The following CCBE1 variants were observed in gnomAD, a reference collection of about 807,000 sequenced individuals.
CCBE1 encodes collagen and calcium binding EGF domains 1.
CCBE1 carries 37 observed loss-of-function variants against 50.0 expected under a neutral mutation model. That is an observed-to-expected ratio of 0.74 (90% confidence interval 0.57 to 0.97). CCBE1 has a LOEUF of 0.97. CCBE1 is among the 50% of genes least tolerant of loss of function. CCBE1 has a pLI of 0.00. For missense variants in CCBE1, 538 were observed against 523.8 expected, an observed-to-expected ratio of 1.03 and a Z score of -0.26; for synonymous variants, 234 against 203.7, an observed-to-expected ratio of 1.15 and a Z score of -1.27.
chr18:59,474,268 G>T (rs1195251699), intron 3 of CCBE1, among the ~76,000 whole-genome samples: 1 of 152,158 alleles, frequency 6.6e-6, no homozygotes, highest in Non-Finnish European at 1.5e-5. Flanking sequence ...GGGCCAAATG[G>T]TAGTTTCCCT....
chr18:59,603,150 A>C (rs575819562), intron 2 of CCBE1, among the ~76,000 whole-genome samples: 1 of 152,256 alleles, frequency 6.6e-6, no homozygotes, highest in Non-Finnish European at 1.5e-5. Context: ...TATCCGCCAT[A>C]GCCAAATGCT....
intron 2 of CCBE1, among the ~76,000 whole-genome samples, chr18:59,564,702 C>T (rs2052792989): frequency 6.6e-6 from 1 of 152,152 alleles, no homozygotes; most frequent in Non-Finnish European, 1.5e-5. Context: ...AGGGTGTGTT[C>T]AAATACTGCA....
At chr18:59,623,756 A>T (rs1296090731) in intron 2 of CCBE1, among the ~76,000 whole-genome samples, 2 of 152,204 alleles carry the variant, frequency 1.3e-5, no homozygotes, top group African/African-American at 4.8e-5. Flanking sequence ...TACCAGCAAC[A>T]GACAGGGGAA....
At chr18:59,675,625 A>C (rs2054490917) in intron 2 of CCBE1, among the ~76,000 whole-genome samples, 1 of 151,354 alleles carries the variant, frequency 6.6e-6, no homozygotes, top group Admixed American at 6.6e-5. Flanking sequence ...AGCATTACTG[A>C]GTTAAAGGAA....
At chr18:59,586,823 A>T (rs1287812946) in intron 2 of CCBE1, among the ~76,000 whole-genome samples, 1 of 152,246 alleles carries the variant, frequency 6.6e-6, no homozygotes, top group Admixed American at 6.5e-5. Flanking sequence ...ATCCAGTAAG[A>T]AACACCTGAA....
chr18:59,640,650 G>T (rs1171204882), intron 2 of CCBE1, among the ~76,000 whole-genome samples: 1 of 151,936 alleles, frequency 6.6e-6, no homozygotes, highest in Non-Finnish European at 1.5e-5. Flanking sequence ...TAAACTATTA[G>T]GGAGAAAAAA....
chr18:59,636,539 A>C (rs1388667651), intron 2 of CCBE1, among the ~76,000 whole-genome samples: 1 of 152,388 alleles, frequency 6.6e-6, no homozygotes, highest in East Asian at 1.9e-4. Flanking sequence ...ACTTACAGTC[A>C]AAAGTCACAA....
At chr18:59,669,291 T>C (rs1349528976) in intron 2 of CCBE1, among the ~76,000 whole-genome samples, 3 of 152,242 alleles carry the variant, frequency 2.0e-5, no homozygotes, top group African/African-American at 7.2e-5. Context: ...ACAATATTCC[T>C]GAATAACAAG....
chr18:59,456,279 C>T (rs565599781), intron 5 of CCBE1, among the ~76,000 whole-genome samples: 22 of 152,284 alleles, frequency 1.4e-4, no homozygotes, highest in Non-Finnish European at 2.1e-4. Context: ...GGAAATGGAT[C>T]GTTACAGGTT....
chr18:59,514,080 ACAC>A (rs780002631), intron 2 of CCBE1, among the ~76,000 whole-genome samples: 6 of 152,118 alleles, frequency 3.9e-5, no homozygotes, highest in Non-Finnish European at 5.9e-5. Context: ...CATATACACC[ACAC>A]CATATGCCTA....
chr18:59,444,429 C>A (rs894656765), intron 7 of CCBE1, among the ~76,000 whole-genome samples: 2 of 152,040 alleles, frequency 1.3e-5, no homozygotes, highest in Non-Finnish European at 2.9e-5. Flanking sequence ...AATCTCCACA[C>A]TCTTTTCCAC....
At chr18:59,567,079 C>A (rs983367673) in intron 2 of CCBE1, among the ~76,000 whole-genome samples, 1 of 152,076 alleles carries the variant, frequency 6.6e-6, no homozygotes, top group African/African-American at 2.4e-5. Context: ...ATCATGATGT[C>A]CTGGATTTAT....
In CCBE1 at chr18:59,559,774, G is replaced by A. The variant is rs150804302; in HGVS notation, c.213-79536C>T. Among the ~76,000 whole-genome samples the A allele has an allele frequency of 1.3e-3, 197 of 152,340 alleles. 1 individual carries two copies. Among genetic ancestry groups the A allele is most frequent in the African/African-American group, 4.2e-3 (175 of 41,580 alleles). On this transcript the variant is annotated intron_variant, in intron 2 of 10. Coordinates refer to ENST00000439986, the MANE Select transcript of CCBE1 (RefSeq NM_133459.4). Reference sequence around the variant, plus strand: ...GTGGAAGTGAAACCTGTGTCTCTGCGTCTTGGCATCAGCCATTTAGTTCTC... The same window carrying A: ...GTGGAAGTGAAACCTGTGTCTCTGCATCTTGGCATCAGCCATTTAGTTCTC...
intron 9 of CCBE1, among the ~76,000 whole-genome samples, 195 bp downstream of exon 9, chr18:59,439,348 C>G (rs1411098887): frequency 6.6e-6 from 1 of 151,566 alleles, no homozygotes; most frequent in African/African-American, 2.4e-5. Context: ...ACCTGTGGTC[C>G]CAGCTGCTTG....
intron 2 of CCBE1, among the ~76,000 whole-genome samples, chr18:59,569,563 A>G (rs1450307965): frequency 6.6e-6 from 1 of 152,184 alleles, no homozygotes; most frequent in East Asian, 1.9e-4. Context: ...ATGAGGCACA[A>G]AGCCCAAATT....
chr18:59,689,178 C>T (rs2144745782), intron 2 of CCBE1, among the ~76,000 whole-genome samples: 1 of 152,326 alleles, frequency 6.6e-6, no homozygotes, highest in Admixed American at 6.5e-5. Context: ...TGAGAGCCCC[C>T]CTGTATCTCC....
chr18:59,692,342 A>G (rs2054743557), intron 2 of CCBE1, among the ~76,000 whole-genome samples: 1 of 152,216 alleles, frequency 6.6e-6, no homozygotes, highest in Admixed American at 6.5e-5. Flanking sequence ...TACCAATTGG[A>G]TGCTCATTTT....
At chr18:59,663,034 A>G (rs1459035695) in intron 2 of CCBE1, among the ~76,000 whole-genome samples, 1 of 54,694 alleles carries the variant, frequency 1.8e-5, no homozygotes. Flanking sequence ...AAAAAAGTGA[A>G]AATACAATTC....
At chr18:59,660,341 G>A (rs1451209431) in intron 2 of CCBE1, among the ~76,000 whole-genome samples, 1 of 152,038 alleles carries the variant, frequency 6.6e-6, no homozygotes, top group Non-Finnish European at 1.5e-5. Flanking sequence ...CCTTTAAATA[G>A]AGGCTGATTC....
Sources: allele counts gnomAD v4.1 joint callset (sites outside exome capture counted in the v4.1 genomes callset), GRCh38; gene constraint gnomAD v4.1.1; transcripts MANE v1.5; gene names NCBI Gene and HGNC (gene_info 2026-07-23, HGNC 2026-07-21).